The following ERBIN variants were observed in gnomAD, a reference collection of about 807,000 sequenced individuals.
ERBIN encodes densin-180-like protein.
ERBIN carries 60 observed loss-of-function variants against 158.4 expected under a neutral mutation model. The observed-to-expected ratio is 0.38, with a 90% CI of 0.31 to 0.47. ERBIN has a LOEUF of 0.47. Among genes scored for constraint, ERBIN ranks in the 20% least tolerant of loss-of-function variants. The probability of loss-of-function intolerance (pLI) is 0.99; values close to 1 mark genes in which losing one functional copy is unlikely to be tolerated. For synonymous variants in ERBIN, 594 were observed against 557.2 expected (o/e 1.07, Z -0.93); for missense variants, 1,610 against 1,648.0 (o/e 0.98, Z 0.40).
rs773664747 is a variant in ERBIN at position 66,025,853 on chromosome 5, T to C, written c.896T>C (p.Ile299Thr). 7.4e-6 allele frequency: 11 copies of C among 1,487,908 alleles called. No homozygotes were observed. In the African/African-American group the frequency reaches 1.4e-4, roughly 19 times the overall value. 92.2% of individuals were successfully genotyped at this position (1,487,908 alleles called of 1,614,324 possible). A position where few individuals can be genotyped will look rare whatever the true frequency, so the allele number is the denominator to read the frequency against. The change falls in exon 12 of 26, where the codon ATA becomes ACA. Residue 299 changes from isoleucine (I) to threonine (T), a missense_variant. Around this residue, in one of 2 missense-constraint regions of ERBIN, gnomAD observed 596 missense variants for 711.9 expected, o/e 0.84. Coordinates refer to ENST00000284037, the MANE Select transcript of ERBIN (RefSeq NM_001253697.2). ...MYLPDSIGGL[I>T]SVEELDCSFN... is the part of the protein sequence containing the mutation. ...TTTCTTTTTTTAAATTAAAGGTTAA[T>C]ATCAGTAGAAGAACTGGATTGTAGT...
chr5:66,078,451 AACATGG>A lies in ERBIN; in HGVS notation c.4164_4169del (p.His1388_Gly1389del). ...AATGGCTACAGTTTTATAAATATTG[AACATGG>A]ACAAGCAGTGTCCTTGCTAAAAACT... On this transcript the variant is annotated inframe_deletion, in exon 26 of 26. Coordinates refer to ENST00000284037, the MANE Select transcript of ERBIN (RefSeq NM_001253697.2). The A allele has an allele frequency of 6.3e-7, 1 of 1,586,532 alleles. No individual in the cohort carries two copies. The highest frequency in any genetic ancestry group is 8.5e-7 in the Non-Finnish European group (1 of 1,172,072).
intron 1 of ERBIN, among the ~76,000 whole-genome samples, chr5:65,963,616 C>G (rs1198362820): frequency 6.6e-6 from 1 of 151,450 alleles, no homozygotes; most frequent in Non-Finnish European, 1.5e-5. Flanking sequence ...AAACAAAAAC[C>G]AACAAAAAAA....
At chr5:65,991,519 C>T (rs1462727982) in intron 2 of ERBIN, among the ~76,000 whole-genome samples, 2 of 151,998 alleles carry the variant, frequency 1.3e-5, no homozygotes, top group Non-Finnish European at 2.9e-5. Flanking sequence ...ATAAAATTGC[C>T]AATGTATTTG....
At chr5:65,990,128 G>GT (rs1028704337) in intron 2 of ERBIN, among the ~76,000 whole-genome samples, 1 of 152,134 alleles carries the variant, frequency 6.6e-6, no homozygotes, top group African/African-American at 2.4e-5. Context: ...TGACATCTGA[G>GT]TTTCTTTTTT....
chr5:66,001,065 T>A (rs377413857), intron 4 of ERBIN, among the ~76,000 whole-genome samples: 38 of 152,246 alleles, frequency 2.5e-4, no homozygotes, highest in African/African-American at 8.9e-4. Context: ...TGTGGCTGGA[T>A]GTTAGAAATT....
At chr5:66,025,730 G>A (rs1480538701) in intron 11 of ERBIN, 118 bp from the exon 12 acceptor site, 2 of 899,912 alleles carry the variant, frequency 2.2e-6, no homozygotes, top group Non-Finnish European at 3.3e-6. Context: ...GTTTAGCTTT[G>A]TGAAATGGTT....
At chr5:65,930,937 A>C (rs976814384) in intron 1 of ERBIN, among the ~76,000 whole-genome samples, 2 of 152,332 alleles carry the variant, frequency 1.3e-5, no homozygotes, top group Admixed American at 6.5e-5. Flanking sequence ...TGTCACTTCA[A>C]ATTTTGTTCC....
chr5:65,936,458 A>G (rs1744093091), intron 1 of ERBIN, among the ~76,000 whole-genome samples: 1 of 152,170 alleles, frequency 6.6e-6, no homozygotes, highest in Non-Finnish European at 1.5e-5. Flanking sequence ...GCTGACTGCA[A>G]AATAGCAGGG....
intron 1 of ERBIN, among the ~76,000 whole-genome samples, chr5:65,970,201 A>G (rs763008884): frequency 6.6e-6 from 1 of 152,142 alleles, no homozygotes; most frequent in Non-Finnish European, 1.5e-5. Flanking sequence ...CATTCCCCTC[A>G]TATTTTATAA....
intron 14 of ERBIN, among the ~76,000 whole-genome samples, chr5:66,030,757 G>A (rs373887742): frequency 3.3e-5 from 5 of 151,090 alleles, no homozygotes; most frequent in East Asian, 2.0e-4. Flanking sequence ...TTTTAGTAGC[G>A]ACAAGATCTC....
rs1318821903 is a variant in ERBIN, at chr5:66,028,352, TCTGATTTTATAAGTTAATGG to T, written c.1206+10_1206+29del. 1 of 1,607,578 alleles carries T rather than the reference TCTGATTTTATAAGTTAATGG, an allele frequency of 6.2e-7. No individual in the cohort carries two copies. The highest frequency in any genetic ancestry group is 8.5e-7 in the Non-Finnish European group (1 of 1,175,180). ...GGCTCTCAGATAATCAGGTGGGCAT[TCTGATTTTATAAGTTAATGG>T]AGTTCTTATTTGTGTTATATAGTTT... On this transcript the variant is annotated intron_variant, in intron 14 of 25. Transcript: ENST00000284037.
At chr5:66,061,833 G>T (rs1250801855) in intron 21 of ERBIN, among the ~76,000 whole-genome samples, 1 of 152,144 alleles carries the variant, frequency 6.6e-6, no homozygotes, top group African/African-American at 2.4e-5. Context: ...GAAATTCTGG[G>T]TTGAAAATTC....
intron 15 of ERBIN, among the ~76,000 whole-genome samples, chr5:66,040,166 A>G (rs942696784): frequency 1.3e-5 from 2 of 151,890 alleles, no homozygotes; most frequent in African/African-American, 4.8e-5. Context: ...TCCAAAATAG[A>G]TGCTATTATC....
intron 25 of ERBIN, among the ~76,000 whole-genome samples, chr5:66,077,809 CAG>C (rs1385065094): frequency 3.0e-4 from 41 of 134,840 alleles, no homozygotes; most frequent in African/African-American, 1.4e-3. Context: ...CACACACACA[CAG>C]TCACACTCAC....
chr5:66,024,513 C>T (rs1580385221), intron 10 of ERBIN, 63 bp downstream of exon 10: 1 of 1,481,224 alleles, frequency 6.8e-7, no homozygotes, highest in African/African-American at 1.4e-5. Flanking sequence ...TCCACATAAT[C>T]TCAAATTTCA....
Position 66,054,421 on chromosome 5 carries a change from A to G in ERBIN, c.3103A>G (p.Asn1035Asp). The part of the protein sequence containing the change: ...SANMNFSNHN[N>D]VRANTAYHLH... ...CAATATGAATTTCTCTAATCATAAC[A>G]ATGTTCGAGCTAATACTGCATACCA... The change falls in exon 21 of 26, where the codon AAT becomes GAT. Residue 1035 changes from asparagine (N) to aspartate (D), a missense_variant. Transcript: ENST00000284037. 2.5e-6 allele frequency: 4 copies of G among 1,614,202 alleles called. No individual in the cohort carries two copies. Among genetic ancestry groups the G allele is most frequent in the African/African-American group, 1.3e-5 (1 of 75,054 alleles).
chr5:66,076,555 T>C lies in ERBIN; in HGVS notation c.4056+147T>C, dbSNP rs1178494124. The C allele has an allele frequency of 1.5e-5, 10 of 688,874 alleles. No homozygotes were observed. In the African/African-American group the frequency reaches 1.8e-4, roughly 13 times the overall value. The allele number at this position is 688,874 out of a possible 1,614,324, so 42.7% of individuals were successfully genotyped here. A position where few individuals can be genotyped will look rare whatever the true frequency, so the allele number is the denominator to read the frequency against. On this transcript the variant is annotated intron_variant, in intron 24 of 25. Coordinates refer to ENST00000284037, the MANE Select transcript of ERBIN (RefSeq NM_001253697.2). ...CCCACTCTATTGCTTACCTTTTTGT[T>C]TTGTAATTTGATCAGTTCAAGTTAA... is the stretch of plus-strand genomic sequence containing the variant.
At chr5:65,995,012 A>G (rs544733533) in intron 4 of ERBIN, 148 bp downstream of exon 4, 9 of 587,094 alleles carry the variant, frequency 1.5e-5, no homozygotes, top group African/African-American at 1.4e-4. Context: ...TTATGTAAAG[A>G]TAGTTGCCCG....
chr5:65,993,527 C>T (rs1254770043), intron 3 of ERBIN, among the ~76,000 whole-genome samples: 1 of 151,976 alleles, frequency 6.6e-6, no homozygotes, highest in Non-Finnish European at 1.5e-5. Flanking sequence ...TCTTAAATCC[C>T]AGTCTCTCAT....
Sources: gnomAD v4.1 joint callset for allele counts (sites outside exome capture counted in the v4.1 genomes callset) on GRCh38, gnomAD v4.1.1 for gene constraint, gnomAD v4.1.1 regional missense constraint, MANE v1.5 for transcripts, NCBI Gene and HGNC (gene_info 2026-07-23, HGNC 2026-07-21) for gene names.